RAB20: variants seen among roughly 807,000 people sequenced by gnomAD.
The protein encoded by RAB20 is RAB20, member RAS oncogene family, also known as ras-related protein Rab-20.
A neutral mutation model predicts 3.7 loss-of-function variants in RAB20; 2 were observed. The observed-to-expected ratio is 0.54, with a 90% CI of 0.22 to 1.69. The LOEUF (loss-of-function observed/expected upper bound fraction) is 1.69. RAB20 is among the 40% of genes most tolerant of loss of function. The probability of loss-of-function intolerance (pLI) is 0.19; values close to 1 mark genes in which losing one functional copy is unlikely to be tolerated. For synonymous variants in RAB20, 126 were observed against 130.8 expected, an observed-to-expected ratio of 0.96 and a Z score of 0.25; for missense variants, 276 against 311.9, an observed-to-expected ratio of 0.88 and a Z score of 0.87.
At chr13:110,554,979 T>G (rs331601) in intron 1 of RAB20, among the ~76,000 whole-genome samples, 1 of 152,016 alleles carries the variant, frequency 6.6e-6, no homozygotes, top group East Asian at 2.0e-4. Context: ...GCTGTGAAGC[T>G]GAGCGGCCCT....
chr13:110,537,295 C>T (rs1337343025), intron 1 of RAB20, among the ~76,000 whole-genome samples: 2 of 151,936 alleles, frequency 1.3e-5, no homozygotes, highest in African/African-American at 4.8e-5. Context: ...CAGGCATGAG[C>T]TACCACGCCC....
At chr13:110,532,317 T>C (rs1884555141) in intron 1 of RAB20, among the ~76,000 whole-genome samples, 1 of 152,248 alleles carries the variant, frequency 6.6e-6, no homozygotes, top group African/African-American at 2.4e-5. Flanking sequence ...TTTCAATTCA[T>C]TGAAAAGTGA....
At chr13:110,545,213 G>A (rs7140104) in intron 1 of RAB20, among the ~76,000 whole-genome samples, 39,444 of 152,110 alleles carry the variant, frequency 0.26, 5,323 homozygotes, top group East Asian at 0.36. Context: ...TGTTTGTAAC[G>A]CAAGGGATAA....
intron 1 of RAB20, among the ~76,000 whole-genome samples, chr13:110,539,010 T>C (rs958834203): frequency 6.1e-4 from 93 of 152,190 alleles, no homozygotes; most frequent in African/African-American, 2.2e-3. Flanking sequence ...CTAATAGTAA[T>C]GCTTTTCTGC....
intron 1 of RAB20, among the ~76,000 whole-genome samples, chr13:110,535,519 G>A (rs889058541): frequency 1.3e-5 from 2 of 152,188 alleles, no homozygotes; most frequent in African/African-American, 2.4e-5. Flanking sequence ...TTCCATTTTC[G>A]CAGATCTACA....
chr13:110,536,721 T>TTGGGCGGGGGGGGGG (rs1164445964), intron 1 of RAB20, among the ~76,000 whole-genome samples: 1 of 7,456 alleles, frequency 1.3e-4, no homozygotes, highest in Non-Finnish European at 2.2e-4. Context: ...GGCTTTTTTT[T>TTGGGCGGGGGGGGGG]GGGGCGGTGG....
At chr13:110,528,077 T>A (rs1373859815) in intron 1 of RAB20, among the ~76,000 whole-genome samples, 2 of 151,904 alleles carry the variant, frequency 1.3e-5, no homozygotes, top group African/African-American at 4.8e-5. Flanking sequence ...CACTCCAGCC[T>A]GAGCAACAGT....
Position 110,541,496 on chromosome 13 carries a change from T to C in RAB20, c.173-17299A>G, listed in dbSNP as rs1034803791. Among the ~76,000 whole-genome samples, 7 of 152,254 alleles carry C rather than the reference T, an allele frequency of 4.6e-5. No individual in the cohort carries two copies. The East Asian group carries it at 1.3e-3, about 29-fold the overall frequency. ...GCCACATGAAAGCTCACCTCGTTCT[T>C]ATCTTCTCATTAACACAAGATTCGC... On this transcript the variant is annotated intron_variant, in intron 1 of 1. Coordinates refer to ENST00000267328, the MANE Select transcript of RAB20 (RefSeq NM_017817.3).
At chr13:110,546,073 G>A (rs768183999) in intron 1 of RAB20, among the ~76,000 whole-genome samples, 53 of 148,574 alleles carry the variant, frequency 3.6e-4, no homozygotes, top group Non-Finnish European at 6.9e-4. Flanking sequence ...ACATAGCAGA[G>A]AAACCCCATG....
intron 1 of RAB20, among the ~76,000 whole-genome samples, chr13:110,525,786 C>T (rs897079513): frequency 7.9e-5 from 12 of 152,238 alleles, no homozygotes; most frequent in African/African-American, 2.2e-4. Context: ...ACTGGGGGGA[C>T]GAGCTCTCAG....
intron 1 of RAB20, among the ~76,000 whole-genome samples, chr13:110,549,181 T>A (rs1884906479): frequency 6.6e-6 from 1 of 152,232 alleles, no homozygotes; most frequent in South Asian, 2.1e-4. Context: ...ACAAAACAAA[T>A]CAGCAAATAT....
At position 110,561,365 on chromosome 13, in the gene RAB20, G is replaced by A; in HGVS notation, c.155C>T (p.Ser52Phe). The A allele has an allele frequency of 1.2e-6, 2 of 1,607,288 alleles. No individual in the cohort carries two copies. Among genetic ancestry groups the A allele is most frequent in the Non-Finnish European group, 1.7e-6 (2 of 1,177,082 alleles). The change falls in exon 1 of 2, where the codon TCC becomes TTC. Residue 52 changes from serine (S) to phenylalanine (F), a missense_variant. Physicochemically the swap from Ser to Phe is radical, Grantham distance 155 (BLOSUM62 -2). Coordinates refer to ENST00000267328, the MANE Select transcript of RAB20 (RefSeq NM_017817.3). ...GGCCTCACCTGCGGTGTCCCAGATG[G>A]AGATGTTGTAGGAGCGCCACTGCTT... ...YLKQWRSYNI[S>F]IWDTAGREQF...
At chr13:110,560,464 T>C (rs1885111004) in intron 1 of RAB20, among the ~76,000 whole-genome samples, 1 of 152,208 alleles carries the variant, frequency 6.6e-6, no homozygotes, top group African/African-American at 2.4e-5. Flanking sequence ...TTTGGGTATA[T>C]GACTTTTTAA....
intron 1 of RAB20, among the ~76,000 whole-genome samples, chr13:110,538,751 C>T (rs1211368366): frequency 1.3e-5 from 2 of 152,186 alleles, no homozygotes; most frequent in African/African-American, 4.8e-5. Context: ...TGTTTCCTCC[C>T]AGCAAGGCAG....
chr13:110,540,682 C>T (rs899685415), intron 1 of RAB20, among the ~76,000 whole-genome samples: 2 of 150,402 alleles, frequency 1.3e-5, no homozygotes, highest in Non-Finnish European at 2.9e-5. Context: ...GCGGAGGTTG[C>T]AGTGAGCTGC....
At chr13:110,534,742 A>G (rs994686858) in intron 1 of RAB20, among the ~76,000 whole-genome samples, 1 of 152,220 alleles carries the variant, frequency 6.6e-6, no homozygotes, top group African/African-American at 2.4e-5. Context: ...TCATAAATGC[A>G]CAAGTCCTCT....
intron 1 of RAB20, among the ~76,000 whole-genome samples, chr13:110,537,023 C>T (rs1379875387): frequency 1.4e-5 from 2 of 146,638 alleles, no homozygotes; most frequent in Non-Finnish European, 3.0e-5. Flanking sequence ...GCTCTGTCAC[C>T]CAGGCTGGAG....
intron 1 of RAB20, among the ~76,000 whole-genome samples, chr13:110,525,703 G>A (rs1884416937): frequency 6.6e-6 from 1 of 152,256 alleles, no homozygotes. Context: ...AGCAGGGAGG[G>A]CCGAGCCGAG....
intron 1 of RAB20, among the ~76,000 whole-genome samples, chr13:110,537,159 ATTTTTAT>A (rs1884661212): frequency 6.7e-6 from 1 of 148,556 alleles, no homozygotes; most frequent in Non-Finnish European, 1.5e-5. Flanking sequence ...TTTTATTTTT[ATTTTTAT>A]TTTTTTTTTG....
Sources: gnomAD v4.1 joint callset for allele counts (sites outside exome capture counted in the v4.1 genomes callset) on GRCh38, gnomAD v4.1.1 for gene constraint, MANE v1.5 for transcripts, NCBI Gene and HGNC (gene_info 2026-07-23, HGNC 2026-07-21) for gene names.